Variants in DROSHA observed in about 807,000 individuals in gnomAD.
DROSHA encodes drosha ribonuclease III, also known as ribonuclease 3.
In DROSHA, 56 loss-of-function variants were observed where a neutral mutation model predicts 181.9. The ratio of observed to expected loss-of-function variants is 0.31; its 90% CI spans 0.25 to 0.38. The LOEUF (loss-of-function observed/expected upper bound fraction) is 0.38, where lower values mean the gene tolerates loss of function less well. DROSHA is among the 10% of genes least tolerant of loss of function. DROSHA has a pLI of 1.00. For synonymous variants in DROSHA, 524 were observed against 591.2 expected (o/e 0.89, Z 1.65); for missense variants, 1,218 against 1,743.5 (o/e 0.70, Z 5.37).
In DROSHA at chr5:31,405,672, C is replaced by T. The variant is rs2149984177; in HGVS notation, c.3994+5G>A. 1 of 1,555,820 alleles carries T rather than the reference C, an allele frequency of 6.4e-7. No homozygotes were observed. The highest frequency in any genetic ancestry group is 8.7e-7 in the Non-Finnish European group (1 of 1,152,148). ...ACATAATTATAGAAAAAAAAACAGG[C>T]TTACATTTTTCAAGCGCATCCATTG... is the stretch of plus-strand genomic sequence containing the variant. On this transcript the variant is annotated splice_donor_5th_base_variant and intron_variant, in intron 35 of 35. Coordinates refer to ENST00000344624, the MANE Select transcript of DROSHA (RefSeq NM_001382508.1).
At chr5:31,489,666 C>G (rs1412137653) in intron 13 of DROSHA, among the ~76,000 whole-genome samples, 3 of 22,966 alleles carry the variant, frequency 1.3e-4, no homozygotes, top group Non-Finnish European at 2.9e-4. Context: ...CTATCTCACC[C>G]TAGCAAAAAA....
chr5:31,514,938 ACAAC>A lies in DROSHA; in HGVS notation c.1290+46_1290+49del. ...TATCCAGCCCCAAAGGCCAATAGTGACAACGCCGAGAAGCCCTAGTCTACAGCTT... is the reference window on the plus strand; with the variant it reads ...TATCCAGCCCCAAAGGCCAATAGTGAGCCGAGAAGCCCTAGTCTACAGCTT... On this transcript the variant is annotated intron_variant, in intron 8 of 35. Coordinates refer to ENST00000344624, the MANE Select transcript of DROSHA (RefSeq NM_001382508.1). This position sits in a 1 kb window ranked among gnomAD's most constrained non-coding sequence, Gnocchi z 4.4. 1 of 1,560,264 alleles carries A rather than the reference ACAAC, an allele frequency of 6.4e-7. No homozygotes were observed. The highest frequency in any genetic ancestry group is 8.8e-7 in the Non-Finnish European group (1 of 1,140,700).
chr5:31,423,354 T>G (rs1325730091), intron 28 of DROSHA: 1 of 154,256 alleles, frequency 6.5e-6, no homozygotes, highest in African/African-American at 2.4e-5. Flanking sequence ...TGATTTCCTA[T>G]GTCTGGAATC....
intron 16 of DROSHA, among the ~76,000 whole-genome samples, chr5:31,476,814 C>T (rs994806951): frequency 6.6e-6 from 1 of 152,182 alleles, no homozygotes; most frequent in Non-Finnish European, 1.5e-5. Flanking sequence ...GGCAAAAAGA[C>T]ACTCCATAAA....
intron 23 of DROSHA, among the ~76,000 whole-genome samples, chr5:31,439,683 T>C (rs1745328589): frequency 6.6e-6 from 1 of 152,162 alleles, no homozygotes; most frequent in African/African-American, 2.4e-5. Context: ...AAGGGTTATG[T>C]ACTATCTTTG....
Position 31,411,334 on chromosome 5 carries a change from T to C in DROSHA, c.3526-447A>G, listed in dbSNP as rs754950463. Among the ~76,000 whole-genome samples, 1 of 152,340 alleles carries C rather than the reference T, an allele frequency of 6.6e-6. No homozygotes were observed. The highest frequency in any genetic ancestry group is 1.9e-4 in the East Asian group (1 of 5,184). ...AGTTAGATGAGTTTTGAAAAACATG[T>C]ACATTTTTATCACTCCAAACAAATT... On this transcript the variant is annotated intron_variant, in intron 30 of 35. Transcript: ENST00000344624. This position sits in a 1 kb window ranked among gnomAD's most constrained non-coding sequence, Gnocchi z 4.2.
Position 31,515,190 on chromosome 5 carries a change from G to C in DROSHA, c.1088C>G (p.Ala363Gly). Residue 363 changes from alanine to glycine, a missense_variant, in exon 8 of 36, where the codon GCT (alanine) becomes GGT (glycine). Around this residue, in one of 8 missense-constraint regions of DROSHA, gnomAD observed 536 missense variants for 535.4 expected, o/e 1.00. Coordinates refer to ENST00000344624, the MANE Select transcript of DROSHA (RefSeq NM_001382508.1). ...ACGGTCTTTTTCTTCCTCCCAACGA[G>C]CTCTCTTCTTCTCCCTACTTGGGGA... ...HRSPSREKKRARWEEEKDRWS... is the reference protein window; with the variant it reads ...HRSPSREKKRGRWEEEKDRWS... 1 of 1,613,618 alleles carries C rather than the reference G, an allele frequency of 6.2e-7. No homozygotes were observed. The highest frequency in any genetic ancestry group is 8.5e-7 in the Non-Finnish European group (1 of 1,179,852).
intron 22 of DROSHA, 139 bp from the exon 23 acceptor site, chr5:31,448,746 A>T (rs1746603161): frequency 3.1e-6 from 2 of 655,052 alleles, no homozygotes; most frequent in Non-Finnish European, 5.2e-6. Flanking sequence ...AAGTGTGATA[A>T]ACAATTATTT....
chr5:31,508,228 T>C (rs1326605004), intron 10 of DROSHA, among the ~76,000 whole-genome samples: 2 of 152,206 alleles, frequency 1.3e-5, no homozygotes, highest in African/African-American at 4.8e-5. Context: ...CTTGTGACTG[T>C]TACCAACTAA....
chr5:31,526,966 A>G (rs1740670658), intron 4 of DROSHA, 54 bp from the exon 5 acceptor site: 7 of 1,501,316 alleles, frequency 4.7e-6, no homozygotes, highest in East Asian at 4.8e-5. Flanking sequence ...AATTCTTACT[A>G]TGTAAACAGG....
chr5:31,490,307 G>C (rs1752260752), intron 13 of DROSHA, among the ~76,000 whole-genome samples: 1 of 151,626 alleles, frequency 6.6e-6, no homozygotes, highest in Admixed American at 6.6e-5. Flanking sequence ...TTAGCTTCCA[G>C]AGTAGCTGGG....
chr5:31,467,393 C>T (rs1269567158), intron 18 of DROSHA: 1 of 151,892 alleles, frequency 6.6e-6, no homozygotes, highest in Non-Finnish European at 1.5e-5. Flanking sequence ...CATTCCCACA[C>T]ATCCTAAATC....
At chr5:31,493,438 T>C in intron 12 of DROSHA, 145 bp from the exon 13 acceptor site, 1 of 629,660 alleles carries the variant, frequency 1.6e-6, no homozygotes, top group Non-Finnish European at 2.6e-6. Context: ...AGTTTAATTT[T>C]ACATGAAATT....
chr5:31,459,434 AAAT>A (rs1376357967), intron 20 of DROSHA, among the ~76,000 whole-genome samples: 1 of 148,774 alleles, frequency 6.7e-6, no homozygotes, highest in Non-Finnish European at 1.5e-5. Flanking sequence ...AAAAAAAAAA[AAAT>A]CTCTCTCAGG....
intron 30 of DROSHA, among the ~76,000 whole-genome samples, chr5:31,416,242 A>G (rs559235968): frequency 2.0e-5 from 3 of 152,322 alleles, no homozygotes; most frequent in Non-Finnish European, 2.9e-5. Flanking sequence ...CAAATTTTAA[A>G]TTAATTTTAA....
intron 18 of DROSHA, chr5:31,467,041 A>G (rs1236424165): frequency 6.6e-6 from 1 of 152,080 alleles, no homozygotes; most frequent in Non-Finnish European, 1.5e-5. Flanking sequence ...ATTTTCTGTC[A>G]CATTAAAACT....
chr5:31,437,380 CAT>C (rs1246374400), intron 23 of DROSHA, 82 bp from the exon 24 acceptor site: 8 of 1,151,342 alleles, frequency 6.9e-6, no homozygotes, highest in Non-Finnish European at 9.4e-6. Flanking sequence ...GAAAAGAACA[CAT>C]GAGGGTTAGC....
At chr5:31,435,914 G>T (rs1313580197) in intron 24 of DROSHA, 50 bp from the exon 25 acceptor site, 1 of 1,559,086 alleles carries the variant, frequency 6.4e-7, no homozygotes, top group Admixed American at 1.7e-5. Flanking sequence ...ACGACATTCT[G>T]TCTGTGGCTC....
At chr5:31,425,517 G>C (rs1385565974) in intron 27 of DROSHA, among the ~76,000 whole-genome samples, 1 of 151,802 alleles carries the variant, frequency 6.6e-6, no homozygotes, top group South Asian at 2.1e-4. Context: ...TTCACCCTAA[G>C]TGGACATTTA....
Sources: allele counts gnomAD v4.1 joint callset (sites outside exome capture counted in the v4.1 genomes callset), GRCh38; gene constraint gnomAD v4.1.1; regional missense constraint gnomAD v4.1.1; non-coding constraint Gnocchi (gnomAD v3.1); transcripts MANE v1.5; gene names NCBI Gene and HGNC (gene_info 2026-07-23, HGNC 2026-07-21).